CCDC60: variants seen among roughly 807,000 people sequenced by gnomAD.
CCDC60 encodes coiled-coil domain containing 60.
In CCDC60, 54 loss-of-function variants were observed where a neutral mutation model predicts 63.5. The ratio of observed to expected loss-of-function variants is 0.85; its 90% CI spans 0.68 to 1.07. CCDC60 has a LOEUF of 1.07. Ranked by LOEUF, CCDC60 falls within the 50% of genes least tolerant of loss-of-function variation. The pLI is 0.00. For synonymous variants in CCDC60, 206 were observed against 238.8 expected (o/e 0.86, Z 1.27); for missense variants, 651 against 684.3 (o/e 0.95, Z 0.54).
chr12:119,493,864 A>AT (rs1951656142), intron 5 of CCDC60, among the ~76,000 whole-genome samples: 1 of 151,976 alleles, frequency 6.6e-6, no homozygotes, highest in South Asian at 2.1e-4. Context: ...TTGTTTTTGC[A>AT]TTTTAAAAAG....
At chr12:119,518,664 T>C (rs912543155) in intron 8 of CCDC60, among the ~76,000 whole-genome samples, 1 of 152,220 alleles carries the variant, frequency 6.6e-6, no homozygotes, top group African/African-American at 2.4e-5. Flanking sequence ...ATTTAACATA[T>C]TAGCATGTGC....
intron 11 of CCDC60, chr12:119,524,496 T>C: frequency 2.1e-6 from 2 of 965,938 alleles, no homozygotes; most frequent in African/African-American, 1.8e-5. Flanking sequence ...ACTAATGGGC[T>C]GAATGCTCTG....
intron 1 of CCDC60, among the ~76,000 whole-genome samples, chr12:119,399,297 G>A (rs1406788966): frequency 6.6e-6 from 1 of 152,114 alleles, no homozygotes; most frequent in Non-Finnish European, 1.5e-5. Context: ...GGACCCAGAT[G>A]GGCATCCTCC....
intron 2 of CCDC60, among the ~76,000 whole-genome samples, chr12:119,457,503 A>G (rs1175628539): frequency 6.6e-6 from 1 of 152,260 alleles, no homozygotes; most frequent in Non-Finnish European, 1.5e-5. Flanking sequence ...TGATTTAATA[A>G]GAATGTGGTT....
intron 11 of CCDC60, among the ~76,000 whole-genome samples, chr12:119,528,173 G>C (rs1952743878): frequency 6.6e-6 from 1 of 152,084 alleles, no homozygotes; most frequent in Non-Finnish European, 1.5e-5. Context: ...TCTCATTGGA[G>C]AGACAGAACA....
At chr12:119,380,275 C>T (rs187587117) in intron 1 of CCDC60, among the ~76,000 whole-genome samples, 2 of 152,344 alleles carry the variant, frequency 1.3e-5, no homozygotes, top group East Asian at 3.9e-4. Context: ...TATTCATCTC[C>T]TTCCAACTCT....
At chr12:119,406,686 C>CAA (rs566917825) in intron 1 of CCDC60, among the ~76,000 whole-genome samples, 12,584 of 134,712 alleles carry the variant, frequency 0.093, 580 homozygotes, top group Middle Eastern at 0.16. Flanking sequence ...CTGAATATAG[C>CAA]AAAAAAAAAA....
intron 2 of CCDC60, among the ~76,000 whole-genome samples, chr12:119,441,855 T>C (rs958204519): frequency 6.6e-6 from 1 of 152,152 alleles, no homozygotes; most frequent in Non-Finnish European, 1.5e-5. Context: ...ATGAACACTC[T>C]TATACTTTTT....
rs1429012644 is a variant in CCDC60, at chr12:119,335,064, T to G, written c.-113T>G. 1.3e-6 allele frequency: 1 copy of G among 781,090 alleles called. No homozygotes were observed. Among genetic ancestry groups the G allele is most frequent in the East Asian group, 2.6e-5 (1 of 38,680 alleles). The allele number at this position is 781,090 out of a possible 1,614,324, so 48.4% of individuals were successfully genotyped here. ...CTTTGGAGTTCGTGTAATTGGGACTTGGGGATCAGGGAGAAGTTGCCGAAA... is the reference window on the plus strand; with the variant it reads ...CTTTGGAGTTCGTGTAATTGGGACTGGGGGATCAGGGAGAAGTTGCCGAAA... On this transcript the variant is annotated 5_prime_UTR_variant, in exon 1 of 14. Transcript: ENST00000327554.
At chr12:119,471,920 CCTT>C in intron 2 of CCDC60, 71 bp from the exon 3 acceptor site, 6 of 1,228,858 alleles carry the variant, frequency 4.9e-6, no homozygotes, top group Non-Finnish European at 6.9e-6. Flanking sequence ...TTCTTTCTCT[CCTT>C]CTCTTTCCTT....
chr12:119,484,256 A>T (rs182902019), intron 4 of CCDC60, among the ~76,000 whole-genome samples: 1 of 152,230 alleles, frequency 6.6e-6, no homozygotes, highest in East Asian at 1.9e-4. Context: ...TCTTCACAGG[A>T]TTTTATAAGA....
At chr12:119,377,105 A>C (rs1397414078) in intron 1 of CCDC60, among the ~76,000 whole-genome samples, 1 of 151,890 alleles carries the variant, frequency 6.6e-6, no homozygotes, top group Non-Finnish European at 1.5e-5. Flanking sequence ...AAATACAAAA[A>C]TTAGCTGGGT....
At chr12:119,417,163 A>G (rs1956716606) in intron 1 of CCDC60, among the ~76,000 whole-genome samples, 1 of 152,088 alleles carries the variant, frequency 6.6e-6, no homozygotes, top group Non-Finnish European at 1.5e-5. Flanking sequence ...CCCTCATCAA[A>G]GTTTAACTCA....
intron 1 of CCDC60, among the ~76,000 whole-genome samples, chr12:119,336,456 A>G (rs2136137476): frequency 6.6e-6 from 1 of 152,268 alleles, no homozygotes; most frequent in East Asian, 1.9e-4. Context: ...ACACTGTAGA[A>G]CATCAGAAAA....
chr12:119,450,869 AG>A (rs1427211374), intron 2 of CCDC60, among the ~76,000 whole-genome samples: 14 of 4,868 alleles, frequency 2.9e-3, no homozygotes, highest in African/African-American at 0.014. Flanking sequence ...AAAAAAAAAA[AG>A]AGAGAGAGAG....
chr12:119,472,186 G>A (rs1257386445), intron 3 of CCDC60, 22 bp downstream of exon 3: 1 of 1,610,042 alleles, frequency 6.2e-7, no homozygotes. Context: ...CAGTAGCTGT[G>A]GCACTGAAGG....
rs2136411983 is a variant in CCDC60 at position 119,499,932 on chromosome 12, C to CA, written c.558-145dup. On this transcript the variant is annotated intron_variant, in intron 5 of 13. Transcript: ENST00000327554. The stretch of plus-strand genomic sequence containing the variant: ...GCCAGCTATGGAGAACTATCCCCCC[C>CA]ATTTCTTCACAAGTAGAGGAGTGGG... The CA allele has an allele frequency of 5.8e-6, 4 of 686,724 alleles. No homozygotes were observed. In the East Asian group the frequency reaches 1.1e-4, roughly 18 times the overall value. 42.5% of individuals were successfully genotyped at this position (686,724 alleles called of 1,614,324 possible).
intron 1 of CCDC60, among the ~76,000 whole-genome samples, chr12:119,423,064 A>G (rs1956841242): frequency 6.6e-6 from 1 of 152,202 alleles, no homozygotes; most frequent in Non-Finnish European, 1.5e-5. Context: ...AAGACCTAAC[A>G]GTATGGGAAG....
intron 1 of CCDC60, among the ~76,000 whole-genome samples, chr12:119,360,367 G>A (rs370455776): frequency 5.9e-5 from 5 of 84,818 alleles, no homozygotes; most frequent in African/African-American, 1.0e-4. Context: ...CCTCCCGGAC[G>A]GGGCGGCTGG....
Sources: gnomAD v4.1 joint callset for allele counts (sites outside exome capture counted in the v4.1 genomes callset) on GRCh38, gnomAD v4.1.1 for gene constraint, MANE v1.5 for transcripts, NCBI Gene and HGNC (gene_info 2026-07-23, HGNC 2026-07-21) for gene names.